Variants in DPP10 observed in about 807,000 individuals in gnomAD.
DPP10 encodes inactive dipeptidyl peptidase 10.
In DPP10, 33 loss-of-function variants were observed where a neutral mutation model predicts 120.9. The observed-to-expected ratio is 0.27, with a 90% CI of 0.21 to 0.37. The LOEUF (loss-of-function observed/expected upper bound fraction) is 0.37. Ranked by LOEUF, DPP10 falls within the 10% of genes least tolerant of loss-of-function variation. DPP10 has a pLI of 1.00. For missense variants in DPP10, 816 were observed against 942.8 expected, an observed-to-expected ratio of 0.87 and a Z score of 1.76; for synonymous variants, 337 against 326.1, an observed-to-expected ratio of 1.03 and a Z score of -0.36.
intron 12 of DPP10, among the ~76,000 whole-genome samples, chr2:115,765,437 C>G (rs1680597340): frequency 6.6e-6 from 1 of 152,026 alleles, no homozygotes; most frequent in African/African-American, 2.4e-5. Context: ...CCTACTGTGT[C>G]TTAGGCAATA....
intron 1 of DPP10, among the ~76,000 whole-genome samples, chr2:115,100,208 G>A (rs192681013): frequency 6.6e-6 from 1 of 152,242 alleles, no homozygotes; most frequent in East Asian, 1.9e-4. Flanking sequence ...ACTTTGGGAG[G>A]CCAAGGCAAG....
intron 3 of DPP10, among the ~76,000 whole-genome samples, chr2:115,399,697 A>G (rs770527521): frequency 1.4e-4 from 21 of 152,126 alleles, no homozygotes; most frequent in Non-Finnish European, 2.6e-4. Flanking sequence ...TTTGATTTAA[A>G]TGTAACTTAA....
intron 3 of DPP10, among the ~76,000 whole-genome samples, chr2:115,380,028 G>A (rs1371180601): frequency 2.6e-5 from 4 of 152,090 alleles, no homozygotes; most frequent in African/African-American, 9.7e-5. Flanking sequence ...TATATATTCT[G>A]TTCATTTGGG....
chr2:114,777,136 T>C (rs1407391373), intron 1 of DPP10, among the ~76,000 whole-genome samples: 1 of 152,140 alleles, frequency 6.6e-6, no homozygotes, highest in Admixed American at 6.6e-5. Context: ...AATGTACTCT[T>C]TGAGAATGGG....
chr2:114,788,412 T>A (rs1258636331), intron 1 of DPP10, among the ~76,000 whole-genome samples: 4 of 131,820 alleles, frequency 3.0e-5, no homozygotes, highest in Admixed American at 7.5e-5. Context: ...GAAAAGAACA[T>A]GTACATTTTT....
intron 1 of DPP10, among the ~76,000 whole-genome samples, chr2:115,181,374 G>A (rs976575447): frequency 1.3e-5 from 2 of 152,138 alleles, no homozygotes; most frequent in African/African-American, 4.8e-5. Flanking sequence ...GAGTTCAGGT[G>A]GCTTGGTGGG....
chr2:114,590,597 A>G (rs1296777241), intron 1 of DPP10, among the ~76,000 whole-genome samples: 1 of 152,218 alleles, frequency 6.6e-6, no homozygotes, highest in African/African-American at 2.4e-5. Flanking sequence ...AATGTTTGTC[A>G]GTTTCAATGG....
rs72950185 is a variant in DPP10, at chr2:115,697,625, A to G, written c.576+7704A>G. Among the ~76,000 whole-genome samples, 1,103 of 152,082 alleles carry G rather than the reference A, an allele frequency of 7.3e-3. 17 individuals are homozygous for G. Among genetic ancestry groups the G allele is most frequent in the African/African-American group, 0.026 (1,062 of 41,522 alleles). ...TTCTACCATAATTGTTGGTGATTTC[A>G]ACACCATACTCTCAATAATGGCTAG... On this transcript the variant is annotated intron_variant, in intron 7 of 25. Transcript: ENST00000410059.
At chr2:115,743,213 CT>C (rs1331789577) in intron 9 of DPP10, among the ~76,000 whole-genome samples, 1 of 151,990 alleles carries the variant, frequency 6.6e-6, no homozygotes, top group Non-Finnish European at 1.5e-5. Context: ...TACAAATGAA[CT>C]TGCGATGTGT....
intron 1 of DPP10, among the ~76,000 whole-genome samples, chr2:114,761,474 GATA>G (rs1305963063): frequency 6.6e-6 from 1 of 152,136 alleles, no homozygotes; most frequent in African/African-American, 2.4e-5. Flanking sequence ...GGGTACTACA[GATA>G]ATATCTCTCT....
chr2:115,372,303 G>A (rs2065467622), intron 3 of DPP10, among the ~76,000 whole-genome samples: 1 of 152,032 alleles, frequency 6.6e-6, no homozygotes, highest in East Asian at 1.9e-4. Flanking sequence ...GTGATTTCTG[G>A]TGATTTTTTT....
rs183536758 is a variant in DPP10 at position 115,690,894 on chromosome 2, G to A, written c.576+973G>A. 1.1e-4 allele frequency among the ~76,000 whole-genome samples: 17 copies of A among 152,230 alleles called. No individual in the cohort carries two copies. The East Asian group carries it at 2.5e-3, about 22-fold the overall frequency. On this transcript the variant is annotated intron_variant, in intron 7 of 25. Coordinates refer to ENST00000410059, the MANE Select transcript of DPP10 (RefSeq NM_020868.6). ...TACACCTACCAGCAATAATGAGAGC[G>A]TTCCCTTGGTTCCATATCCTTGCCA... is the stretch of plus-strand genomic sequence containing the variant.
At chr2:115,036,237 C>G (rs188406838) in intron 1 of DPP10, among the ~76,000 whole-genome samples, 1 of 152,142 alleles carries the variant, frequency 6.6e-6, no homozygotes, top group African/African-American at 2.4e-5. Context: ...CTCACTATCA[C>G]GAGGACAGCA....
intron 8 of DPP10, among the ~76,000 whole-genome samples, chr2:115,732,848 T>C (rs977883438): frequency 6.6e-6 from 1 of 152,162 alleles, no homozygotes; most frequent in Non-Finnish European, 1.5e-5. Context: ...GTGGAGCAAA[T>C]ATACCTGCCA....
At chr2:115,236,307 A>G (rs762654356) in intron 1 of DPP10, among the ~76,000 whole-genome samples, 6 of 152,204 alleles carry the variant, frequency 3.9e-5, no homozygotes, top group African/African-American at 1.4e-4. Context: ...CCATGGACAT[A>G]GTTGTCAGGC....
At chr2:115,613,973 C>T (rs917029250) in intron 5 of DPP10, among the ~76,000 whole-genome samples, 3 of 152,036 alleles carry the variant, frequency 2.0e-5, no homozygotes, top group Non-Finnish European at 2.9e-5. Flanking sequence ...ATACTCAGTC[C>T]CTGATTTAAA....
At chr2:115,161,840 GT>G in intron 1 of DPP10, 1 of 291,948 alleles carries the variant, frequency 3.4e-6, no homozygotes, top group Non-Finnish European at 5.6e-6. Flanking sequence ...CCCCCACCCC[GT>G]CCCTTCCGCC....
chr2:114,641,292 CT>C (rs1204367039), intron 1 of DPP10, among the ~76,000 whole-genome samples: 6 of 151,964 alleles, frequency 3.9e-5, no homozygotes, highest in Non-Finnish European at 8.8e-5. Flanking sequence ...CGACCTTTGT[CT>C]TTTTTCCTGA....
intron 1 of DPP10, among the ~76,000 whole-genome samples, chr2:114,522,226 C>T (rs1003175141): frequency 7.2e-5 from 11 of 151,906 alleles, no homozygotes; most frequent in South Asian, 4.2e-4. Flanking sequence ...CCTCATGATC[C>T]GCCCGCCTCG....
Sources: gnomAD v4.1 joint callset for allele counts (sites outside exome capture counted in the v4.1 genomes callset) on GRCh38, gnomAD v4.1.1 for gene constraint, MANE v1.5 for transcripts, NCBI Gene and HGNC (gene_info 2026-07-23, HGNC 2026-07-21) for gene names.